Variants in SLC9A9 observed in about 807,000 individuals in gnomAD.
SLC9A9 encodes solute carrier family 9 member A9.
In SLC9A9, 62 loss-of-function variants were observed where a neutral mutation model predicts 77.8. The observed-to-expected ratio is 0.80, with a 90% CI of 0.65 to 0.98. The LOEUF (loss-of-function observed/expected upper bound fraction) is 0.98. SLC9A9 is among the 50% of genes least tolerant of loss of function. The pLI is 0.00. For synonymous variants in SLC9A9, 320 were observed against 283.5 expected (o/e 1.13, Z -1.29); for missense variants, 775 against 774.9 (o/e 1.00, Z 0.00).
At chr3:143,406,383 C>CT (rs779367189) in intron 12 of SLC9A9, among the ~76,000 whole-genome samples, 113 of 146,862 alleles carry the variant, frequency 7.7e-4, no homozygotes, top group East Asian at 1.2e-3. Context: ...TTTCCTGTAT[C>CT]TTTTTTTTTT....
chr3:143,684,479 C>T (rs1239097283), intron 5 of SLC9A9, among the ~76,000 whole-genome samples: 2 of 151,976 alleles, frequency 1.3e-5, no homozygotes, highest in African/African-American at 4.8e-5. Flanking sequence ...ATTGAGTCTA[C>T]CCAATTTAGG....
chr3:143,711,069 G>A (rs567584966), intron 4 of SLC9A9, among the ~76,000 whole-genome samples: 6 of 152,308 alleles, frequency 3.9e-5, no homozygotes, highest in Non-Finnish European at 5.9e-5. Flanking sequence ...TGACAAGATA[G>A]AATGAACAAT....
chr3:143,682,138 T>A (rs563273774), intron 5 of SLC9A9, among the ~76,000 whole-genome samples: 1 of 152,176 alleles, frequency 6.6e-6, no homozygotes, highest in Admixed American at 6.6e-5. Flanking sequence ...AGGACTCAGC[T>A]GCATATAGGA....
At chr3:143,327,042 T>C (rs900227548) in intron 14 of SLC9A9, among the ~76,000 whole-genome samples, 1 of 152,294 alleles carries the variant, frequency 6.6e-6, no homozygotes. Context: ...TAATTCCAGT[T>C]GAAATAGCTC....
chr3:143,451,306 C>T (rs2035003473), intron 12 of SLC9A9, among the ~76,000 whole-genome samples: 1 of 152,266 alleles, frequency 6.6e-6, no homozygotes, highest in Middle Eastern at 3.4e-3. Flanking sequence ...CTGTCTTAAG[C>T]AGTTTCTTCC....
rs1184953557 is a variant in SLC9A9 at position 143,417,496 on chromosome 3, G to A, written c.1470-35382C>T. Among the ~76,000 whole-genome samples, 8 of 150,194 alleles carry A rather than the reference G, an allele frequency of 5.3e-5. No homozygotes were observed. In the East Asian group the frequency reaches 1.6e-3, roughly 30 times the overall value. ...AAGGGAGAATGGAGCGGGGGGAGAG[G>A]GAGGGAGGAGGGGGAGAAAGGGATG... On this transcript the variant is annotated intron_variant, in intron 12 of 15. Transcript: ENST00000316549.
chr3:143,671,554 C>T (rs1560023951), intron 5 of SLC9A9, among the ~76,000 whole-genome samples: 1 of 152,106 alleles, frequency 6.6e-6, no homozygotes, highest in Non-Finnish European at 1.5e-5. Context: ...TTGAAAGAGT[C>T]AAACAATATA....
chr3:143,678,892 G>A (rs1381508546), intron 5 of SLC9A9, among the ~76,000 whole-genome samples: 2 of 151,672 alleles, frequency 1.3e-5, no homozygotes, highest in Non-Finnish European at 2.9e-5. Flanking sequence ...TAATAGCATC[G>A]GCTACTGCTT....
chr3:143,308,468 T>C (rs975253918), intron 14 of SLC9A9, among the ~76,000 whole-genome samples: 2 of 151,290 alleles, frequency 1.3e-5, no homozygotes, highest in African/African-American at 2.4e-5. Context: ...CCCAGCTACT[T>C]GGGAGGCTGA....
chr3:143,273,794 AAACG>A (rs1937965259), intron 14 of SLC9A9, among the ~76,000 whole-genome samples: 1 of 152,232 alleles, frequency 6.6e-6, no homozygotes, highest in Non-Finnish European at 1.5e-5. Flanking sequence ...TCTGGGAAGT[AAACG>A]AAGACACTGA....
chr3:143,587,656 G>T (rs2037566237), intron 6 of SLC9A9, among the ~76,000 whole-genome samples: 1 of 152,230 alleles, frequency 6.6e-6, no homozygotes, highest in South Asian at 2.1e-4. Flanking sequence ...GAAAGAGCAG[G>T]CACTGGAGGG....
At chr3:143,330,892 G>C (rs1307359569) in intron 14 of SLC9A9, among the ~76,000 whole-genome samples, 1 of 152,194 alleles carries the variant, frequency 6.6e-6, no homozygotes, top group Non-Finnish European at 1.5e-5. Context: ...TTCTATATTA[G>C]ATATTCCATT....
intron 11 of SLC9A9, among the ~76,000 whole-genome samples, chr3:143,468,912 A>G (rs2035330436): frequency 6.6e-6 from 1 of 152,216 alleles, no homozygotes; most frequent in African/African-American, 2.4e-5. Context: ...CTGTAATCCC[A>G]GCACTTCGGG....
chr3:143,421,565 A>G (rs567360351), intron 12 of SLC9A9, among the ~76,000 whole-genome samples: 15 of 152,192 alleles, frequency 9.9e-5, no homozygotes, highest in Non-Finnish European at 1.9e-4. Context: ...ATGAAAGTAG[A>G]TCATCGTTTT....
intron 4 of SLC9A9, among the ~76,000 whole-genome samples, chr3:143,753,977 A>C (rs1334698946): frequency 1.3e-5 from 2 of 149,782 alleles, no homozygotes; most frequent in Admixed American, 6.8e-5. Context: ...TTTTCCCTAC[A>C]ATCAAGCATG....
intron 5 of SLC9A9, among the ~76,000 whole-genome samples, chr3:143,682,903 C>A (rs1159432794): frequency 6.6e-6 from 1 of 152,120 alleles, no homozygotes; most frequent in Non-Finnish European, 1.5e-5. Flanking sequence ...TTCAGATAAT[C>A]CAGGGTAATC....
chr3:143,350,608 CTGTTG>C (rs1160522303), intron 14 of SLC9A9, among the ~76,000 whole-genome samples: 1 of 152,170 alleles, frequency 6.6e-6, no homozygotes, highest in Non-Finnish European at 1.5e-5. Context: ...GAAAACACGT[CTGTTG>C]TGTTTGTTTG....
intron 4 of SLC9A9, among the ~76,000 whole-genome samples, chr3:143,790,650 A>T (rs2008191206): frequency 6.6e-6 from 1 of 152,198 alleles, no homozygotes; most frequent in African/African-American, 2.4e-5. Context: ...ATAATCTTGG[A>T]CAAGTCTAAA....
At chr3:143,783,152 G>T (rs1040554997) in intron 4 of SLC9A9, among the ~76,000 whole-genome samples, 1 of 152,132 alleles carries the variant, frequency 6.6e-6, no homozygotes, top group African/African-American at 2.4e-5. Context: ...AACCTACAGA[G>T]TAGGATGCAG....
Sources: gnomAD v4.1 joint callset for allele counts (sites outside exome capture counted in the v4.1 genomes callset) on GRCh38, gnomAD v4.1.1 for gene constraint, MANE v1.5 for transcripts, NCBI Gene and HGNC (gene_info 2026-07-23, HGNC 2026-07-21) for gene names.